The following IMMP2L variants were observed in gnomAD, a reference collection of about 807,000 sequenced individuals.
IMMP2L encodes mitochondrial inner membrane protease subunit 2.
In IMMP2L, 18 loss-of-function variants were observed where a neutral mutation model predicts 19.3. The ratio of observed to expected loss-of-function variants is 0.93; its 90% confidence interval spans 0.64 to 1.38. The LOEUF is 1.38. IMMP2L is among the 40% of genes most tolerant of loss of function. The pLI, the probability that IMMP2L is intolerant of heterozygous loss-of-function variation, is 0.00. For synonymous variants in IMMP2L, 76 were observed against 73.0 expected, an observed-to-expected ratio of 1.04 and a Z score of -0.21; for missense variants, 233 against 218.2, an observed-to-expected ratio of 1.07 and a Z score of -0.43.
chr7:111,093,181 TAAG>T (rs1336941826), intron 3 of IMMP2L, among the ~76,000 whole-genome samples: 1 of 152,152 alleles, frequency 6.6e-6, no homozygotes, highest in Admixed American at 6.6e-5. Flanking sequence ...TGAACAAGTT[TAAG>T]AAGAGGGTTC....
At chr7:111,499,862 C>G (rs1274898944) in intron 2 of IMMP2L, among the ~76,000 whole-genome samples, 1 of 152,258 alleles carries the variant, frequency 6.6e-6, no homozygotes, top group East Asian at 1.9e-4. Context: ...CTCTGGTCTA[C>G]AGCTCCCAGA....
chr7:110,943,019 G>T (rs1816884553), intron 4 of IMMP2L, among the ~76,000 whole-genome samples: 1 of 151,902 alleles, frequency 6.6e-6, no homozygotes, highest in African/African-American at 2.4e-5. Context: ...AGGACAGATG[G>T]ATGTGATGAA....
At chr7:111,240,521 A>C (rs530611407) in intron 3 of IMMP2L, among the ~76,000 whole-genome samples, 110 of 152,096 alleles carry the variant, frequency 7.2e-4, no homozygotes, top group Non-Finnish European at 1.4e-3. Flanking sequence ...TGTGAGATGT[A>C]GTCAAGGCAA....
chr7:110,699,914 G>C (rs1033785651), intron 5 of IMMP2L, among the ~76,000 whole-genome samples: 10 of 152,118 alleles, frequency 6.6e-5, no homozygotes, highest in Admixed American at 6.6e-4. Flanking sequence ...TCATGGTAAA[G>C]ACCTAAAGGC....
At chr7:110,915,910 C>T (rs1813560553) in intron 4 of IMMP2L, among the ~76,000 whole-genome samples, 1 of 152,214 alleles carries the variant, frequency 6.6e-6, no homozygotes, top group African/African-American at 2.4e-5. Context: ...TCTCCTGAGA[C>T]ATCCTATCAG....
chr7:110,729,480 G>A (rs1429260088), intron 5 of IMMP2L, among the ~76,000 whole-genome samples: 1 of 152,162 alleles, frequency 6.6e-6, no homozygotes, highest in Non-Finnish European at 1.5e-5. Flanking sequence ...CTCCCACTGG[G>A]TCCCTCCCTC....
chr7:111,412,160 A>G (rs996449548), intron 3 of IMMP2L, among the ~76,000 whole-genome samples: 8 of 151,802 alleles, frequency 5.3e-5, no homozygotes, highest in Admixed American at 2.6e-4. Flanking sequence ...GCTTCAAAAC[A>G]CATGAAGTAA....
intron 2 of IMMP2L, among the ~76,000 whole-genome samples, chr7:111,487,880 C>T (rs1229299241): frequency 6.6e-6 from 1 of 152,182 alleles, no homozygotes; most frequent in Non-Finnish European, 1.5e-5. Flanking sequence ...CAAAAGAGCA[C>T]ATATCCTAAG....
At chr7:111,356,103 T>C (rs1343801597) in intron 3 of IMMP2L, among the ~76,000 whole-genome samples, 2 of 151,946 alleles carry the variant, frequency 1.3e-5, no homozygotes, top group Admixed American at 6.6e-5. Context: ...ATACACCATA[T>C]ATATATACAC....
At chr7:110,869,717 T>G (rs1808352497) in intron 5 of IMMP2L, among the ~76,000 whole-genome samples, 1 of 152,082 alleles carries the variant, frequency 6.6e-6, no homozygotes. Flanking sequence ...GCTCCTAAGG[T>G]GATTCTAATA....
At chr7:110,805,105 G>A (rs559489650) in intron 5 of IMMP2L, among the ~76,000 whole-genome samples, 4 of 152,152 alleles carry the variant, frequency 2.6e-5, no homozygotes, top group South Asian at 2.1e-4. Context: ...AACAAAGTAC[G>A]AAGAAGTCAC....
At chr7:110,714,828 TA>T (rs1795135055) in intron 5 of IMMP2L, among the ~76,000 whole-genome samples, 1 of 152,096 alleles carries the variant, frequency 6.6e-6, no homozygotes, top group South Asian at 2.1e-4. Flanking sequence ...AACTCGACCT[TA>T]AGTGATCTGC....
chr7:111,145,223 G>T lies in IMMP2L; in HGVS notation c.240-181658C>A, dbSNP rs144134769. On this transcript the variant is annotated intron_variant, in intron 3 of 5. Transcript: ENST00000405709. ...TACTAAGGATTTGGATCTTCATCTAGCAAGAAGCAGCTTTGTGAACATATG... is the reference window on the plus strand; with the variant it reads ...TACTAAGGATTTGGATCTTCATCTATCAAGAAGCAGCTTTGTGAACATATG... Among the ~76,000 whole-genome samples, 300 of 152,176 alleles carry T rather than the reference G, an allele frequency of 2.0e-3. 1 individual carries two copies. Among genetic ancestry groups the T allele is most frequent in the African/African-American group, 6.9e-3 (285 of 41,542 alleles).
intron 3 of IMMP2L, among the ~76,000 whole-genome samples, chr7:111,241,736 T>C (rs970152473): frequency 1.3e-5 from 2 of 151,342 alleles, no homozygotes; most frequent in African/African-American, 4.8e-5. Flanking sequence ...TGTGTATATA[T>C]ATTTTATATA....
chr7:110,713,405 T>C (rs1019341357), intron 5 of IMMP2L, among the ~76,000 whole-genome samples: 5 of 152,224 alleles, frequency 3.3e-5, no homozygotes, highest in Non-Finnish European at 7.3e-5. Context: ...TCTTTTTCTG[T>C]TTCCATACGA....
At chr7:110,785,193 A>G (rs1026508063) in intron 5 of IMMP2L, among the ~76,000 whole-genome samples, 20 of 151,998 alleles carry the variant, frequency 1.3e-4, no homozygotes, top group African/African-American at 4.3e-4. Context: ...GTAAAATTAG[A>G]TTAAAAATAA....
chr7:111,386,435 G>A (rs1831762872), intron 3 of IMMP2L, among the ~76,000 whole-genome samples: 1 of 151,970 alleles, frequency 6.6e-6, no homozygotes, highest in Non-Finnish European at 1.5e-5. Flanking sequence ...TATACATAAA[G>A]GTACATCAAT....
intron 5 of IMMP2L, among the ~76,000 whole-genome samples, chr7:110,770,382 G>T (rs867255052): frequency 1.3e-5 from 2 of 152,046 alleles, no homozygotes; most frequent in African/African-American, 4.8e-5. Flanking sequence ...TATATTAAAA[G>T]GTTTAAGAGA....
chr7:111,217,164 T>G (rs1292676485), intron 3 of IMMP2L, among the ~76,000 whole-genome samples: 1 of 139,854 alleles, frequency 7.2e-6, no homozygotes, highest in African/African-American at 3.1e-5. Flanking sequence ...ACACACAATA[T>G]GCAGTGGAGT....
Sources: allele counts gnomAD v4.1 joint callset (sites outside exome capture counted in the v4.1 genomes callset), GRCh38; gene constraint gnomAD v4.1.1; transcripts MANE v1.5; gene names NCBI Gene and HGNC (gene_info 2026-07-23, HGNC 2026-07-21).